SF3B3: variants seen among roughly 807,000 people sequenced by gnomAD.
The protein encoded by SF3B3 is splicing factor 3b subunit 3.
SF3B3 carries 33 observed loss-of-function variants against 139.2 expected under a neutral mutation model. That is an observed-to-expected ratio of 0.24 (90% CI 0.18 to 0.32). SF3B3 has a LOEUF of 0.32. Ranked by LOEUF, SF3B3 falls within the 10% of genes least tolerant of loss-of-function variation. The pLI is 1.00. For synonymous variants in SF3B3, 596 were observed against 563.6 expected (o/e 1.06, Z -0.81); for missense variants, 818 against 1,509.4 (o/e 0.54, Z 7.59).
chr16:70,556,838 C>G (rs906868037), intron 14 of SF3B3, 48 bp from the exon 15 acceptor site: 1 of 1,606,918 alleles, frequency 6.2e-7, no homozygotes, highest in South Asian at 1.1e-5. Context: ...TGTTTTTTTC[C>G]TAAAATTGTC....
chr16:70,529,272 G>T, intron 3 of SF3B3, 73 bp downstream of exon 3: 1 of 1,244,502 alleles, frequency 8.0e-7, no homozygotes. Context: ...TGGTGTGCCA[G>T]TGCCAATTAA....
intron 2 of SF3B3, among the ~76,000 whole-genome samples, chr16:70,527,664 A>G (rs909581190): frequency 3.9e-5 from 6 of 152,218 alleles, no homozygotes; most frequent in African/African-American, 1.4e-4. Flanking sequence ...GAGATTTGTG[A>G]CTGACTTCAC....
At chr16:70,571,551 T>G in intron 25 of SF3B3, 122 bp from the exon 26 acceptor site, 1 of 1,047,748 alleles carries the variant, frequency 9.5e-7, no homozygotes, top group Non-Finnish European at 1.4e-6. Context: ...GATGATAGGG[T>G]GAGACCCTGT....
intron 8 of SF3B3, among the ~76,000 whole-genome samples, chr16:70,540,223 T>C (rs868716343): frequency 4.7e-5 from 7 of 149,896 alleles, no homozygotes; most frequent in Non-Finnish European, 7.4e-5. Context: ...GGAGAAACCC[T>C]GTCTCTACTA....
rs2050551091 is a variant in SF3B3, at chr16:70,573,732, C to T, written c.*1919C>T. 6.6e-6 allele frequency: 1 copy of T among 152,236 alleles called. No individual in the cohort carries two copies. Among genetic ancestry groups the T allele is most frequent in the Non-Finnish European group, 1.5e-5 (1 of 68,048 alleles). The allele number at this position is 152,236 out of a possible 1,614,324, so 9.4% of individuals were successfully genotyped here. A position where few individuals can be genotyped will look rare whatever the true frequency, so the allele number is the denominator to read the frequency against. On this transcript the variant is annotated 3_prime_UTR_variant, in exon 26 of 26. Coordinates refer to ENST00000302516, the MANE Select transcript of SF3B3 (RefSeq NM_012426.5). ...CAGGTAAATAGAGACCTCTCTCCAGCTTTGGCAAAACCCATCAGAGGCTGC... is the reference window on the plus strand; with the variant it reads ...CAGGTAAATAGAGACCTCTCTCCAGTTTTGGCAAAACCCATCAGAGGCTGC...
intron 8 of SF3B3, among the ~76,000 whole-genome samples, chr16:70,539,895 G>C (rs2050203252): frequency 6.6e-6 from 1 of 150,816 alleles, no homozygotes; most frequent in South Asian, 2.1e-4. Context: ...TCCTGCCTCA[G>C]ACTCCTGAGT....
chr16:70,542,857 G>T (rs1349137530), intron 9 of SF3B3, among the ~76,000 whole-genome samples: 1 of 151,626 alleles, frequency 6.6e-6, no homozygotes, highest in Non-Finnish European at 1.5e-5. Flanking sequence ...TAGTAGCTGG[G>T]ACTACAAGCG....
intron 20 of SF3B3, among the ~76,000 whole-genome samples, chr16:70,566,116 A>T (rs2050474213): frequency 6.6e-6 from 1 of 150,550 alleles, no homozygotes; most frequent in African/African-American, 2.4e-5. Flanking sequence ...AGACTGTCAA[A>T]AAAAAAAAAA....
intron 3 of SF3B3, among the ~76,000 whole-genome samples, chr16:70,529,774 T>A (rs1407247628): frequency 3.9e-5 from 6 of 152,086 alleles, no homozygotes; most frequent in African/African-American, 9.7e-5. Flanking sequence ...TTTAAAAAAA[T>A]TTATTTATTT....
At chr16:70,556,453 C>T in intron 14 of SF3B3, 119 bp downstream of exon 14, 1 of 1,094,038 alleles carries the variant, frequency 9.1e-7, no homozygotes, top group South Asian at 1.4e-5. Context: ...GGTTAGAACC[C>T]AGAATCCATA....
intron 12 of SF3B3, among the ~76,000 whole-genome samples, 161 bp from the exon 13 acceptor site, chr16:70,554,890 C>A (rs1313128965): frequency 6.6e-6 from 1 of 152,140 alleles, no homozygotes; most frequent in African/African-American, 2.4e-5. Context: ...AAAAGTTGAC[C>A]TTGCCTGAGG....
chr16:70,534,613 T>G (rs548660143), intron 5 of SF3B3, among the ~76,000 whole-genome samples: 1 of 152,272 alleles, frequency 6.6e-6, no homozygotes, highest in East Asian at 1.9e-4. Context: ...GGAGCAGGGT[T>G]GGGAAGGAAC....
At chr16:70,567,789 G>A (rs1055993794) in intron 21 of SF3B3, among the ~76,000 whole-genome samples, 1 of 152,162 alleles carries the variant, frequency 6.6e-6, no homozygotes, top group Non-Finnish European at 1.5e-5. Flanking sequence ...GGGTTCAAGC[G>A]ATTCTCCTGC....
intron 9 of SF3B3, among the ~76,000 whole-genome samples, chr16:70,544,045 G>A (rs2050245831): frequency 6.6e-6 from 1 of 152,140 alleles, no homozygotes; most frequent in Admixed American, 6.5e-5. Flanking sequence ...AAATGCATAT[G>A]AAAATATGCA....
chr16:70,566,409 A>T (rs1184779051), intron 20 of SF3B3, among the ~76,000 whole-genome samples: 1 of 151,974 alleles, frequency 6.6e-6, no homozygotes, highest in Non-Finnish European at 1.5e-5. Flanking sequence ...TTAAAAATAA[A>T]AAATCAGCCA....
intron 9 of SF3B3, 30 bp downstream of exon 9, chr16:70,541,864 A>G (rs752835850): frequency 1.9e-6 from 3 of 1,590,962 alleles, no homozygotes; most frequent in African/African-American, 2.7e-5. Flanking sequence ...CCCTTCCACA[A>G]TAGATCTAAA....
chr16:70,540,422 C>A (rs928868881), intron 8 of SF3B3, among the ~76,000 whole-genome samples: 1 of 151,896 alleles, frequency 6.6e-6, no homozygotes, highest in Non-Finnish European at 1.5e-5. Flanking sequence ...CAGAGTCTTA[C>A]TCTGTTTCCC....
In SF3B3 at chr16:70,571,661, T is replaced by C. The variant is rs1461313381; in HGVS notation, c.3514-12T>C. 2 of 1,605,574 alleles carry C rather than the reference T, an allele frequency of 1.2e-6. No homozygotes were observed. The highest frequency in any genetic ancestry group is 1.7e-6 in the Non-Finnish European group (2 of 1,177,240). On this transcript the variant is annotated splice_polypyrimidine_tract_variant and intron_variant, in intron 25 of 25. Coordinates refer to ENST00000302516, the MANE Select transcript of SF3B3 (RefSeq NM_012426.5). ...CACCATTTTTTTTCTTTCTGCTTTC[T>C]CCATATCTTAGAATGTGATTGATGG...
intron 4 of SF3B3, among the ~76,000 whole-genome samples, chr16:70,531,701 T>C (rs1377463871): frequency 6.6e-6 from 1 of 152,206 alleles, no homozygotes; most frequent in Non-Finnish European, 1.5e-5. Context: ...ATTTAAGTAA[T>C]CTCCCTATGG....
Sources: gnomAD v4.1 joint callset for allele counts (sites outside exome capture counted in the v4.1 genomes callset) on GRCh38, gnomAD v4.1.1 for gene constraint, MANE v1.5 for transcripts, NCBI Gene and HGNC (gene_info 2026-07-23, HGNC 2026-07-21) for gene names.